The following DLG2 variants were observed in gnomAD, a reference collection of about 807,000 sequenced individuals.
DLG2 encodes discs large MAGUK scaffold protein 2, also known as disks large homolog 2.
In DLG2, 45 loss-of-function variants were observed where a neutral mutation model predicts 132.5. The observed-to-expected ratio is 0.34, with a 90% confidence interval of 0.27 to 0.44. The LOEUF is 0.44. Ranked by LOEUF, DLG2 falls within the 20% of genes least tolerant of loss-of-function variation. DLG2 has a pLI of 1.00. For missense variants in DLG2, 1,045 were observed against 1,196.9 expected (o/e 0.87, Z 1.87); for synonymous variants, 424 against 419.6 (o/e 1.01, Z -0.13).
At chr11:84,821,817 T>C (rs761274766) in intron 6 of DLG2, among the ~76,000 whole-genome samples, 6 of 151,910 alleles carry the variant, frequency 3.9e-5, no homozygotes, top group Admixed American at 3.3e-4. Flanking sequence ...TTTGTCTTAC[T>C]GAATATAGAT....
intron 6 of DLG2, among the ~76,000 whole-genome samples, chr11:84,927,538 G>A (rs1055520195): frequency 9.2e-5 from 14 of 151,930 alleles, no homozygotes; most frequent in East Asian, 1.9e-4. Flanking sequence ...GTAAATGGCC[G>A]GATAATAAAT....
intron 8 of DLG2, among the ~76,000 whole-genome samples, chr11:84,174,544 T>C (rs532282451): frequency 3.3e-5 from 5 of 152,300 alleles, no homozygotes; most frequent in African/African-American, 1.2e-4. Context: ...CTTAAATGCC[T>C]TAATGCAATT....
intron 9 of DLG2, among the ~76,000 whole-genome samples, chr11:84,134,613 G>T (rs1945823): frequency 0.87 from 132,577 of 151,878 alleles, 58,190 homozygotes; most frequent in Middle Eastern, 0.94. Flanking sequence ...CACCACCAAA[G>T]ATTTGAAGGT....
intron 16 of DLG2, among the ~76,000 whole-genome samples, chr11:83,853,310 T>C (rs1388013734): frequency 6.6e-6 from 1 of 152,164 alleles, no homozygotes; most frequent in Non-Finnish European, 1.5e-5. Flanking sequence ...TTTGGTCTCC[T>C]CAGCTCTCCC....
At chr11:84,340,001 G>C (rs2098506897) in intron 7 of DLG2, among the ~76,000 whole-genome samples, 1 of 152,186 alleles carries the variant, frequency 6.6e-6, no homozygotes, top group African/African-American at 2.4e-5. Flanking sequence ...ATGGGGACTA[G>C]TATGTTTGCT....
At chr11:83,844,243 A>T (rs968603675) in intron 16 of DLG2, among the ~76,000 whole-genome samples, 2 of 151,880 alleles carry the variant, frequency 1.3e-5, no homozygotes, top group Admixed American at 6.6e-5. Context: ...CTCATAGGGT[A>T]AAAAAAAGGG....
At position 83,691,718 on chromosome 11, in the gene DLG2, T is replaced by C. The variant is rs139532691; in HGVS notation, c.1826-58393A>G. ...GCATATGCTTTGCTGTCCTGGAGAA[T>C]ATGTTCCCTTTTTTCTCATTCTCAT... is the stretch of plus-strand genomic sequence containing the variant. On this transcript the variant is annotated intron_variant, in intron 18 of 27. Coordinates refer to ENST00000376104, the MANE Select transcript of DLG2 (RefSeq NM_001142699.3). 3.4e-4 allele frequency among the ~76,000 whole-genome samples: 52 copies of C among 152,332 alleles called. No individual in the cohort carries two copies. In the East Asian group the frequency reaches 9.6e-3, roughly 28 times the overall value.
intron 11 of DLG2, among the ~76,000 whole-genome samples, chr11:84,037,925 T>A (rs1047542349): frequency 5.3e-5 from 8 of 152,132 alleles, no homozygotes; most frequent in Non-Finnish European, 1.2e-4. Context: ...TCTTTGCATA[T>A]CTTTGCTCAC....
intron 10 of DLG2, among the ~76,000 whole-genome samples, chr11:84,072,578 G>A (rs2096773560): frequency 6.6e-6 from 1 of 152,218 alleles, no homozygotes; most frequent in South Asian, 2.1e-4. Context: ...AGTTAGCCAA[G>A]TGAATAAAGA....
intron 7 of DLG2, among the ~76,000 whole-genome samples, chr11:84,529,629 T>G (rs1051176972): frequency 1.6e-4 from 25 of 152,142 alleles, no homozygotes; most frequent in Admixed American, 2.6e-4. Flanking sequence ...AAAAAATTGC[T>G]CAAGGAAATC....
At chr11:83,956,704 C>T (rs12291418) in intron 14 of DLG2, among the ~76,000 whole-genome samples, 17,908 of 152,296 alleles carry the variant, frequency 0.12, 1,207 homozygotes, top group African/African-American at 0.16. Context: ...TTCTAGTTCA[C>T]TCAGAATGGT....
chr11:85,529,987 G>GTTTTTTTTTTTTTTT (rs59507021), intron 3 of DLG2, among the ~76,000 whole-genome samples: 1 of 113,114 alleles, frequency 8.8e-6, no homozygotes, highest in African/African-American at 3.3e-5. Context: ...GAGAGGGTTT[G>GTTTTTTTTTTTTTTT]TTTTTTTTTT....
At chr11:83,520,265 T>C (rs957826396) in intron 21 of DLG2, among the ~76,000 whole-genome samples, 1 of 152,244 alleles carries the variant, frequency 6.6e-6, no homozygotes, top group African/African-American at 2.4e-5. Context: ...GTTCTCACTT[T>C]GTAGTTGTGT....
intron 4 of DLG2, among the ~76,000 whole-genome samples, chr11:85,158,605 G>C (rs1170146923): frequency 6.6e-6 from 1 of 152,150 alleles, no homozygotes; most frequent in African/African-American, 2.4e-5. Context: ...TCAGATCTAA[G>C]AGTGGGAACT....
intron 7 of DLG2, among the ~76,000 whole-genome samples, chr11:84,264,404 G>T (rs1167706085): frequency 6.6e-6 from 1 of 152,136 alleles, no homozygotes; most frequent in South Asian, 2.1e-4. Flanking sequence ...GATACTGCTT[G>T]TTCAGTTTAC....
intron 7 of DLG2, chr11:84,273,331 C>G: frequency 7.8e-7 from 1 of 1,277,266 alleles, no homozygotes; most frequent in Non-Finnish European, 1.0e-6. Flanking sequence ...AAAAAAAAAC[C>G]CTGCAGATCT....
At chr11:84,289,085 A>G (rs567681547) in intron 7 of DLG2, among the ~76,000 whole-genome samples, 4 of 152,248 alleles carry the variant, frequency 2.6e-5, no homozygotes, top group African/African-American at 9.6e-5. Context: ...GTGAACACTA[A>G]TTGAACAGAA....
intron 6 of DLG2, among the ~76,000 whole-genome samples, chr11:84,978,813 T>G (rs2055303257): frequency 1.3e-5 from 2 of 151,906 alleles, no homozygotes; most frequent in African/African-American, 4.8e-5. Flanking sequence ...AATTGACAAA[T>G]GGGATCTAAT....
At chr11:83,502,414 T>C (rs1209068138) in intron 21 of DLG2, among the ~76,000 whole-genome samples, 1 of 152,226 alleles carries the variant, frequency 6.6e-6, no homozygotes, top group East Asian at 1.9e-4. Context: ...GCTGAGAACT[T>C]CTCCAGGCAA....
Sources: allele counts gnomAD v4.1 joint callset (sites outside exome capture counted in the v4.1 genomes callset), GRCh38; gene constraint gnomAD v4.1.1; transcripts MANE v1.5; gene names NCBI Gene and HGNC (gene_info 2026-07-23, HGNC 2026-07-21).